Variants in ZC2HC1A observed in about 807,000 individuals in gnomAD.
ZC2HC1A encodes zinc finger C2HC-type containing 1A.
ZC2HC1A carries 28 observed loss-of-function variants against 40.7 expected under a neutral mutation model. The observed-to-expected ratio is 0.69, with a 90% CI of 0.51 to 0.94. The LOEUF is 0.94. ZC2HC1A is among the 40% of genes least tolerant of loss of function. The probability of loss-of-function intolerance (pLI) is 0.00; values close to 1 mark genes in which losing one functional copy is unlikely to be tolerated. For synonymous variants in ZC2HC1A, 129 were observed against 129.2 expected (o/e 1.00, Z 0.01); for missense variants, 389 against 386.3 (o/e 1.01, Z -0.06).
chr8:78,707,662 T>C (rs968900641), intron 7 of ZC2HC1A, among the ~76,000 whole-genome samples: 1 of 152,226 alleles, frequency 6.6e-6, no homozygotes, highest in Non-Finnish European at 1.5e-5. Flanking sequence ...CAATCATACC[T>C]GTTCAAATTC....
chr8:78,692,947 G>A (rs1810260564), intron 5 of ZC2HC1A, among the ~76,000 whole-genome samples: 1 of 151,878 alleles, frequency 6.6e-6, no homozygotes, highest in African/African-American at 2.4e-5. Flanking sequence ...TGCTCTCATT[G>A]TTCAATTCCC....
intron 1 of ZC2HC1A, among the ~76,000 whole-genome samples, chr8:78,670,213 T>C (rs1809404524): frequency 6.6e-6 from 1 of 152,054 alleles, no homozygotes. Flanking sequence ...GTGGTCTGCC[T>C]GCCTCGACGT....
At chr8:78,669,966 TC>T (rs1563617545) in intron 1 of ZC2HC1A, among the ~76,000 whole-genome samples, 6,057 of 71,074 alleles carry the variant, frequency 0.085, 402 homozygotes, top group African/African-American at 0.2. Context: ...TTTCTTTCTT[TC>T]TTTCTTTTTT....
chr8:78,714,313 A>C (rs1440737298), intron 7 of ZC2HC1A, among the ~76,000 whole-genome samples: 2 of 152,136 alleles, frequency 1.3e-5, no homozygotes, highest in Non-Finnish European at 2.9e-5. Flanking sequence ...AGGATAAATA[A>C]ATTTCTATGG....
At chr8:78,691,495 G>A (rs538365798) in intron 5 of ZC2HC1A, among the ~76,000 whole-genome samples, 1 of 151,746 alleles carries the variant, frequency 6.6e-6, no homozygotes, top group East Asian at 1.9e-4. Context: ...GCTATAATTG[G>A]TTTTTGTATT....
At chr8:78,703,111 A>T (rs376079054) in intron 7 of ZC2HC1A, among the ~76,000 whole-genome samples, 72 of 152,172 alleles carry the variant, frequency 4.7e-4, no homozygotes, top group Middle Eastern at 6.8e-3. Context: ...TGGCCAGGCC[A>T]GTCTCAAACC....
rs1194159212 is a variant in ZC2HC1A, at chr8:78,689,393, T to C, written c.504+20T>C. On this transcript the variant is annotated intron_variant, in intron 5 of 8. Coordinates refer to ENST00000263849, the MANE Select transcript of ZC2HC1A (RefSeq NM_016010.3). The stretch of plus-strand genomic sequence containing the variant: ...CAGGTGGTAAGTTCAGTTTTAATAA[T>C]TGCTATAAACGAGAAAATGGCTCAT... The C allele has an allele frequency of 1.9e-6, 3 of 1,547,032 alleles. No homozygotes were observed. The highest frequency in any genetic ancestry group is 2.6e-6 in the Non-Finnish European group (3 of 1,149,806).
chr8:78,715,050 T>A (rs1193088461), intron 7 of ZC2HC1A, among the ~76,000 whole-genome samples, 171 bp from the exon 8 acceptor site: 2 of 152,236 alleles, frequency 1.3e-5, no homozygotes, highest in African/African-American at 4.8e-5. Context: ...ATTTGGTTTA[T>A]CTTTAATATT....
chr8:78,687,238 T>G (rs150302278), intron 4 of ZC2HC1A, among the ~76,000 whole-genome samples: 3 of 152,050 alleles, frequency 2.0e-5, no homozygotes, highest in Non-Finnish European at 4.4e-5. Context: ...CTAAAGAGGT[T>G]GTTAATGTAA....
intron 1 of ZC2HC1A, among the ~76,000 whole-genome samples, chr8:78,671,045 A>G (rs1356419677): frequency 6.6e-6 from 1 of 152,194 alleles, no homozygotes; most frequent in Non-Finnish European, 1.5e-5. Context: ...AGAATATAAG[A>G]CTTACCAGCA....
chr8:78,671,761 G>A (rs1051970174), intron 1 of ZC2HC1A, among the ~76,000 whole-genome samples: 2 of 152,088 alleles, frequency 1.3e-5, no homozygotes, highest in Admixed American at 1.3e-4. Context: ...AGTTCTCTGT[G>A]TAGATAAGTG....
At chr8:78,666,857 G>A (rs1402336019) in intron 1 of ZC2HC1A, among the ~76,000 whole-genome samples, 2 of 152,144 alleles carry the variant, frequency 1.3e-5, no homozygotes, top group East Asian at 3.8e-4. Context: ...TTTGTTCCCA[G>A]TTCTTTCACT....
chr8:78,682,007 T>C (rs752926380), intron 3 of ZC2HC1A, among the ~76,000 whole-genome samples: 9 of 151,680 alleles, frequency 5.9e-5, no homozygotes, highest in Non-Finnish European at 1.2e-4. Context: ...CCTCCCAAAA[T>C]GTGGGGATTA....
At chr8:78,674,839 T>C (rs936278159) in intron 1 of ZC2HC1A, among the ~76,000 whole-genome samples, 1 of 152,148 alleles carries the variant, frequency 6.6e-6, no homozygotes, top group African/African-American at 2.4e-5. Flanking sequence ...TTTTTAAAAT[T>C]AGTTTGTTAC....
At chr8:78,686,806 T>G (rs1289749100) in intron 4 of ZC2HC1A, among the ~76,000 whole-genome samples, 198 bp downstream of exon 4, 1 of 152,138 alleles carries the variant, frequency 6.6e-6, no homozygotes, top group Non-Finnish European at 1.5e-5. Flanking sequence ...TGGAAGTGTA[T>G]TATGTTTTTA....
At chr8:78,674,617 T>C (rs10087223) in intron 1 of ZC2HC1A, among the ~76,000 whole-genome samples, 147,087 of 152,240 alleles carry the variant, frequency 0.97, 71,088 homozygotes, top group East Asian at 0.99. Context: ...GCTTAACTGC[T>C]ACTACACAAC....
intron 1 of ZC2HC1A, 115 bp downstream of exon 1, chr8:78,666,279 C>T (rs926693618): frequency 1.3e-6 from 2 of 1,484,840 alleles, no homozygotes; most frequent in Non-Finnish European, 1.8e-6. Flanking sequence ...GACCTCGCCG[C>T]GTCCCGCCGC....
At chr8:78,680,690 A>G (rs527976361) in intron 3 of ZC2HC1A, among the ~76,000 whole-genome samples, 1 of 152,312 alleles carries the variant, frequency 6.6e-6, no homozygotes, top group Admixed American at 6.5e-5. Flanking sequence ...GATTGCCCCA[A>G]AGCAGTTGAA....
intron 7 of ZC2HC1A, among the ~76,000 whole-genome samples, chr8:78,710,295 A>G (rs1010609244): frequency 6.6e-6 from 1 of 152,192 alleles, no homozygotes; most frequent in Non-Finnish European, 1.5e-5. Context: ...GTACATATAT[A>G]TATATGCACA....
Sources: allele counts gnomAD v4.1 joint callset (sites outside exome capture counted in the v4.1 genomes callset), GRCh38; gene constraint gnomAD v4.1.1; transcripts MANE v1.5; gene names NCBI Gene and HGNC (gene_info 2026-07-23, HGNC 2026-07-21).